The following GALNT9 variants were observed in gnomAD, a reference collection of about 807,000 sequenced individuals.
GALNT9 encodes GalNAc transferase 9.
GALNT9 carries 47 observed loss-of-function variants against 63.1 expected under a neutral mutation model. That is an observed-to-expected ratio of 0.75 (90% confidence interval 0.59 to 0.95). GALNT9 has a LOEUF of 0.95. GALNT9 is among the 40% of genes least tolerant of loss of function. The probability of loss-of-function intolerance (pLI) is 0.00; values close to 1 mark genes in which losing one functional copy is unlikely to be tolerated. For synonymous variants in GALNT9, 396 were observed against 365.7 expected (o/e 1.08, Z -0.94); for missense variants, 829 against 874.8 (o/e 0.95, Z 0.66).
Position 132,197,930 on chromosome 12 carries a change from C to T in GALNT9, c.1527G>A (p.Leu509=). Residue 509 remains leucine (L), a synonymous_variant, in exon 10 of 11, where the codon CTG becomes CTA. Coordinates refer to ENST00000328957, the MANE Select transcript of GALNT9 (RefSeq NM_001122636.2). Reference sequence around the variant, plus strand: ...CTGTGGAGCCCAGAGGCCCCAGCTGCAGCAGTCCATCAGCGCTGTACCGCA... The same window carrying T: ...CTGTGGAGCCCAGAGGCCCCAGCTGTAGCAGTCCATCAGCGCTGTACCGCA... ...QLVRYSADGL[L]QLGPLGSTAF... 6.2e-7 allele frequency: 1 copy of T among 1,611,674 alleles called. No homozygotes were observed. The highest frequency in any genetic ancestry group is 8.5e-7 in the Non-Finnish European group (1 of 1,179,460).
chr12:132,318,783 C>T (rs746119420), intron 1 of GALNT9, among the ~76,000 whole-genome samples: 1 of 152,242 alleles, frequency 6.6e-6, no homozygotes, highest in Non-Finnish European at 1.5e-5. Flanking sequence ...CCCTACACAT[C>T]GTGGGAGCAG....
chr12:132,199,316 C>A, intron 8 of GALNT9, 47 bp from the exon 9 acceptor site: 1 of 1,408,914 alleles, frequency 7.1e-7, no homozygotes, highest in Non-Finnish European at 9.9e-7. Flanking sequence ...CCCGAGGGTG[C>A]GGCCCCAGGG....
intron 1 of GALNT9, among the ~76,000 whole-genome samples, chr12:132,313,309 T>C (rs1483755206): frequency 1.1e-4 from 11 of 99,772 alleles, no homozygotes; most frequent in Non-Finnish European, 1.2e-4. Context: ...ACCCATCCAT[T>C]CACACACCAA....
At chr12:132,299,352 C>T (rs1297277810) in intron 1 of GALNT9, among the ~76,000 whole-genome samples, 2 of 138,858 alleles carry the variant, frequency 1.4e-5, no homozygotes, top group African/African-American at 2.7e-5. Context: ...AGATAACCCA[C>T]TCCCATGATA....
At position 132,261,051 on chromosome 12, in the gene GALNT9, T is replaced by A. The variant is rs930338547; in HGVS notation, c.658A>T (p.Ser220Cys). The A allele has an allele frequency of 1.9e-6, 3 of 1,551,484 alleles. No homozygotes were observed. In the East Asian group the frequency reaches 7.3e-5, roughly 38 times the overall value. The change falls in exon 4 of 11, where the codon AGC becomes TGC. Residue 220 changes from serine (S) to cysteine (C), a missense_variant. Ser to Cys is a moderately radical substitution (Grantham distance 112). Coordinates refer to ENST00000328957, the MANE Select transcript of GALNT9 (RefSeq NM_001122636.2). ...GCGCGGATCAGTCCTTCCCGCCGGC[T>A]GTTGCGGACAATCTTCACGAGGCCT... ...YPGLVKIVRN[S>C]RREGLIRARL...
chr12:132,283,151 C>T (rs1880429569), intron 2 of GALNT9: 1 of 152,466 alleles, frequency 6.6e-6, no homozygotes, highest in Admixed American at 6.5e-5. Flanking sequence ...GCCAACAAGA[C>T]CAAGGTCACG....
intron 6 of GALNT9, among the ~76,000 whole-genome samples, chr12:132,244,689 T>G (rs1233576603): frequency 1.0e-4 from 1 of 9,658 alleles, no homozygotes; most frequent in Admixed American, 1.4e-3. Context: ...GGGGGCGTGG[T>G]GATGGGGCTG....
At chr12:132,222,924 C>CAT in intron 6 of GALNT9, among the ~76,000 whole-genome samples, 1 of 138,802 alleles carries the variant, frequency 7.2e-6, no homozygotes, top group African/African-American at 2.8e-5. Flanking sequence ...ACATCCCACA[C>CAT]AACCCACACC....
intron 1 of GALNT9, among the ~76,000 whole-genome samples, chr12:132,293,746 G>A (rs1880945097): frequency 1.3e-5 from 2 of 152,132 alleles, no homozygotes; most frequent in Non-Finnish European, 2.9e-5. Context: ...GGGCCAGAAC[G>A]AGAAGCCAGG....
intron 4 of GALNT9, among the ~76,000 whole-genome samples, chr12:132,258,720 G>T (rs1446218012): frequency 1.3e-5 from 2 of 152,210 alleles, no homozygotes; most frequent in Non-Finnish European, 2.9e-5. Flanking sequence ...AGTAGAAGCA[G>T]CCTCGATGGG....
chr12:132,303,434 C>A (rs1881397789), intron 1 of GALNT9, among the ~76,000 whole-genome samples: 2 of 145,460 alleles, frequency 1.4e-5, no homozygotes, highest in Admixed American at 6.8e-5. Context: ...CTCGCCCGGG[C>A]ACACCCTCGC....
intron 1 of GALNT9, among the ~76,000 whole-genome samples, chr12:132,317,201 C>T (rs1488194077): frequency 2.6e-5 from 4 of 151,328 alleles, no homozygotes; most frequent in Admixed American, 1.3e-4. Flanking sequence ...CTGCATCTTA[C>T]ACCCCACGGC....
chr12:132,268,103 A>T (rs1300728702), intron 2 of GALNT9, among the ~76,000 whole-genome samples: 2 of 142,060 alleles, frequency 1.4e-5, no homozygotes, highest in Admixed American at 6.7e-5. Context: ...CCACACGCGC[A>T]CTCACACACA....
At chr12:132,302,229 T>TACACACACACACACAC (rs56317485) in intron 1 of GALNT9, among the ~76,000 whole-genome samples, 3,388 of 143,722 alleles carry the variant, frequency 0.024, 58 homozygotes, top group Non-Finnish European at 0.028. Context: ...TAGAAAATTC[T>TACACACACACACACAC]ACACACACAC....
chr12:132,199,845 C>T (rs971751684), intron 8 of GALNT9, among the ~76,000 whole-genome samples: 6 of 97,730 alleles, frequency 6.1e-5, no homozygotes, highest in Non-Finnish European at 1.1e-4. Context: ...GGCCCCGGCT[C>T]GTGAGCAAGT....
At chr12:132,320,765 G>A (rs1338858051) in intron 1 of GALNT9, among the ~76,000 whole-genome samples, 11 of 152,358 alleles carry the variant, frequency 7.2e-5, no homozygotes, top group African/African-American at 2.4e-4. Flanking sequence ...AGAATCATCA[G>A]CCCACCCTCA....
chr12:132,247,945 C>T lies in GALNT9; in HGVS notation c.1042G>A (p.Val348Met). The change falls in exon 6 of 11, where the codon GTG becomes ATG. Residue 348 changes from valine (V) to methionine (M), a missense_variant. Transcript: ENST00000328957. ...AGTTCTACGTTCTCGCCGCCATACA[C>T]CTCCATGCCGGGGTCCAGCAGCCCA... ...DIGLLDPGME[V>M]YGGENVELGM... The T allele has an allele frequency of 1.3e-6, 2 of 1,551,592 alleles. No homozygotes were observed. Among genetic ancestry groups the T allele is most frequent in the Non-Finnish European group, 1.7e-6 (2 of 1,147,024 alleles).
chr12:132,202,414 G>C (rs1391626224), intron 7 of GALNT9, among the ~76,000 whole-genome samples: 1 of 152,232 alleles, frequency 6.6e-6, no homozygotes, highest in Non-Finnish European at 1.5e-5. Context: ...TATGGGGGCT[G>C]GATGCTGGAT....
chr12:132,308,971 G>A (rs532916943), intron 1 of GALNT9, among the ~76,000 whole-genome samples: 50 of 152,302 alleles, frequency 3.3e-4, no homozygotes, highest in Admixed American at 7.2e-4. Flanking sequence ...GTGGAGCAGG[G>A]GTCAGCTGGT....
Sources: gnomAD v4.1 joint callset for allele counts (sites outside exome capture counted in the v4.1 genomes callset) on GRCh38, gnomAD v4.1.1 for gene constraint, MANE v1.5 for transcripts, NCBI Gene and HGNC (gene_info 2026-07-23, HGNC 2026-07-21) for gene names.